The following GABRG3 variants were observed in gnomAD, a reference collection of about 807,000 sequenced individuals.
The protein encoded by GABRG3 is gamma-aminobutyric acid type A receptor subunit gamma3.
A neutral mutation model predicts 48.8 loss-of-function variants in GABRG3; 25 were observed. That is an observed-to-expected ratio of 0.51 (90% CI 0.37 to 0.72). GABRG3 has a LOEUF of 0.72. Among genes scored for constraint, GABRG3 ranks in the 30% least tolerant of loss-of-function variants. The pLI, the probability that GABRG3 is intolerant of heterozygous loss-of-function variation, is 0.00. For missense variants in GABRG3, 394 were observed against 577.9 expected (o/e 0.68, Z 3.26); for synonymous variants, 227 against 217.6 (o/e 1.04, Z -0.38).
intron 5 of GABRG3, among the ~76,000 whole-genome samples, chr15:27,448,244 A>C (rs1460395163): frequency 6.6e-6 from 1 of 152,212 alleles, no homozygotes; most frequent in Non-Finnish European, 1.5e-5. Context: ...AAGAGAACAA[A>C]CTTGGTTTTA....
In GABRG3 at chr15:27,326,893, A is replaced by G. The variant is rs947343402; in HGVS notation, c.355A>G (p.Asn119Asp). The change falls in exon 4 of 10, where the codon AAC (asparagine) becomes GAC (aspartate). Residue 119 changes from asparagine to aspartate, a missense_variant. Transcript: ENST00000615808. ...FNSTMKILTL[N>D]SNMVGLIWIP... The stretch of plus-strand genomic sequence containing the variant: ...CAGCACAATGAAAATTCTTACTCTG[A>G]ACAGCAACATGGTGGGGTTAATCTG... 3.1e-6 allele frequency: 5 copies of G among 1,613,874 alleles called. No individual in the cohort carries two copies. Among genetic ancestry groups the G allele is most frequent in the Non-Finnish European group, 4.2e-6 (5 of 1,179,896 alleles).
At chr15:27,518,382 A>AAAC (rs1891079154) in intron 6 of GABRG3, among the ~76,000 whole-genome samples, 1 of 151,212 alleles carries the variant, frequency 6.6e-6, no homozygotes, top group Admixed American at 6.6e-5. Flanking sequence ...AAAAAAAAAA[A>AAAC]TGGGACATCA....
intron 3 of GABRG3, among the ~76,000 whole-genome samples, chr15:27,126,118 C>T (rs1317420347): frequency 6.8e-6 from 1 of 147,804 alleles, no homozygotes; most frequent in African/African-American, 2.4e-5. Context: ...GTGCTTACAG[C>T]AACCAGCGGC....
intron 5 of GABRG3, among the ~76,000 whole-genome samples, chr15:27,442,339 C>T (rs1888814872): frequency 1.3e-5 from 2 of 152,248 alleles, no homozygotes; most frequent in South Asian, 4.1e-4. Flanking sequence ...TCCATACCCA[C>T]AGCCTCAGGA....
intron 3 of GABRG3, among the ~76,000 whole-genome samples, chr15:27,276,809 A>C (rs900505487): frequency 6.6e-6 from 1 of 152,208 alleles, no homozygotes; most frequent in Non-Finnish European, 1.5e-5. Flanking sequence ...AGCAGGCTCC[A>C]AATTTGGATT....
intron 3 of GABRG3, among the ~76,000 whole-genome samples, chr15:27,033,020 A>G (rs1400956615): frequency 6.6e-6 from 1 of 150,492 alleles, no homozygotes; most frequent in African/African-American, 2.5e-5. Flanking sequence ...CATTTTTACA[A>G]TTGTTTTTTA....
intron 3 of GABRG3, among the ~76,000 whole-genome samples, chr15:27,197,998 A>G (rs1888551084): frequency 6.6e-6 from 1 of 151,848 alleles, no homozygotes; most frequent in African/African-American, 2.4e-5. Flanking sequence ...CTCTCTTTTC[A>G]TCTTTATTAG....
chr15:27,196,756 C>T (rs1490226213), intron 3 of GABRG3, among the ~76,000 whole-genome samples: 1 of 152,208 alleles, frequency 6.6e-6, no homozygotes, highest in Non-Finnish European at 1.5e-5. Context: ...CGGTTGTCAG[C>T]CCCAGGTACA....
At chr15:26,980,006 A>G (rs982721829) in intron 2 of GABRG3, among the ~76,000 whole-genome samples, 19 of 151,980 alleles carry the variant, frequency 1.3e-4, no homozygotes, top group African/African-American at 4.1e-4. Flanking sequence ...CATTTCCTTA[A>G]TAAGTCTATT....
chr15:26,984,882 A>G (rs1452251566), intron 2 of GABRG3, among the ~76,000 whole-genome samples: 1 of 152,190 alleles, frequency 6.6e-6, no homozygotes, highest in African/African-American at 2.4e-5. Context: ...TTTAAAAGTG[A>G]ATAGACACTC....
At chr15:27,397,871 C>T (rs1887358597) in intron 5 of GABRG3, among the ~76,000 whole-genome samples, 3 of 148,088 alleles carry the variant, frequency 2.0e-5, no homozygotes, top group Non-Finnish European at 3.0e-5. Flanking sequence ...GTGGTGCGAT[C>T]TCGGCTCACT....
At chr15:27,169,451 G>C (rs34870610) in intron 3 of GABRG3, among the ~76,000 whole-genome samples, 36,463 of 152,054 alleles carry the variant, frequency 0.24, 5,421 homozygotes, top group Non-Finnish European at 0.33. Flanking sequence ...CATGTTGGTA[G>C]GTGGGTCTGG....
At chr15:27,077,692 T>C (rs1896931615) in intron 3 of GABRG3, among the ~76,000 whole-genome samples, 1 of 152,208 alleles carries the variant, frequency 6.6e-6, no homozygotes, top group South Asian at 2.1e-4. Flanking sequence ...TTTTCTGAGA[T>C]GGCAAGTGAT....
intron 5 of GABRG3, among the ~76,000 whole-genome samples, chr15:27,338,529 C>A (rs939310342): frequency 2.0e-5 from 3 of 152,160 alleles, no homozygotes; most frequent in Non-Finnish European, 1.5e-5. Flanking sequence ...TCACGGCACT[C>A]GCATCCTTCC....
chr15:27,344,275 G>A (rs540596594), intron 5 of GABRG3, among the ~76,000 whole-genome samples: 6 of 152,372 alleles, frequency 3.9e-5, no homozygotes, highest in African/African-American at 1.4e-4. Context: ...CCCAGGCCTG[G>A]TTTAAAGGAA....
At chr15:27,327,062 G>A (rs925210942) in intron 4 of GABRG3, 33 bp downstream of exon 4, 2 of 1,538,386 alleles carry the variant, frequency 1.3e-6, no homozygotes, top group Non-Finnish European at 1.8e-6. Context: ...GATTACTCCT[G>A]GTTTAAAATG....
intron 3 of GABRG3, among the ~76,000 whole-genome samples, chr15:27,238,027 C>T (rs1890027044): frequency 6.6e-6 from 1 of 152,222 alleles, no homozygotes; most frequent in African/African-American, 2.4e-5. Context: ...TTAATTTAGA[C>T]CTTGTTTCCA....
intron 5 of GABRG3, among the ~76,000 whole-genome samples, chr15:27,394,858 T>C (rs893937777): frequency 2.0e-5 from 3 of 152,214 alleles, no homozygotes; most frequent in Non-Finnish European, 4.4e-5. Context: ...AGATTTTTTT[T>C]TCTTGCTTGC....
intron 5 of GABRG3, among the ~76,000 whole-genome samples, chr15:27,433,465 C>T (rs1888516432): frequency 6.6e-6 from 1 of 152,144 alleles, no homozygotes; most frequent in Non-Finnish European, 1.5e-5. Context: ...GTTGCCTGGC[C>T]TTGGCTAATT....
Sources: gnomAD v4.1 joint callset for allele counts (sites outside exome capture counted in the v4.1 genomes callset) on GRCh38, gnomAD v4.1.1 for gene constraint, MANE v1.5 for transcripts, NCBI Gene and HGNC (gene_info 2026-07-23, HGNC 2026-07-21) for gene names.